Variants in DLC1 observed in about 807,000 individuals in gnomAD.
The protein encoded by DLC1 is rho GTPase-activating protein 7.
A neutral mutation model predicts 140.3 loss-of-function variants in DLC1; 54 were observed. That is an observed-to-expected ratio of 0.38 (90% CI 0.31 to 0.48). The LOEUF is 0.48. Ranked by LOEUF, DLC1 falls within the 20% of genes least tolerant of loss-of-function variation. The pLI is 0.96. For missense variants in DLC1, 2,536 were observed against 1,907.0 expected (o/e 1.33, Z -6.14); for synonymous variants, 986 against 728.1 (o/e 1.35, Z -5.70).
chr8:13,307,048 C>T (rs114471291), intron 4 of DLC1, among the ~76,000 whole-genome samples: 4,321 of 128,988 alleles, frequency 0.033, 107 homozygotes, highest in African/African-American at 0.076. Context: ...CACACCATTG[C>T]ACTCCATCCA....
intron 2 of DLC1, among the ~76,000 whole-genome samples, chr8:13,450,338 C>G (rs1429422096): frequency 1.3e-5 from 2 of 150,520 alleles, no homozygotes; most frequent in Non-Finnish European, 3.0e-5. Context: ...GACTGTAATC[C>G]TAGCTACTCA....
intron 4 of DLC1, among the ~76,000 whole-genome samples, chr8:13,334,950 T>C (rs552016697): frequency 2.0e-4 from 31 of 152,334 alleles, no homozygotes; most frequent in African/African-American, 7.0e-4. Context: ...TTGTGACTGT[T>C]AAGGCTGTAA....
intron 4 of DLC1, among the ~76,000 whole-genome samples, chr8:13,380,119 G>A (rs1337750649): frequency 1.3e-5 from 2 of 152,260 alleles, no homozygotes; most frequent in African/African-American, 2.4e-5. Flanking sequence ...GTTTGACTGG[G>A]ATGGAAGGAA....
At chr8:13,206,640 A>C (rs1255177767) in intron 5 of DLC1, among the ~76,000 whole-genome samples, 1 of 152,180 alleles carries the variant, frequency 6.6e-6, no homozygotes, top group Admixed American at 6.6e-5. Flanking sequence ...TTAATAAACG[A>C]GCTATTTTAG....
chr8:13,221,937 A>G (rs1306733249), intron 5 of DLC1, among the ~76,000 whole-genome samples: 2 of 145,270 alleles, frequency 1.4e-5, no homozygotes, highest in Non-Finnish European at 3.0e-5. Flanking sequence ...TATATATAAT[A>G]TATAAATTAT....
chr8:13,304,820 A>G (rs963822074), intron 5 of DLC1: 20 of 976,676 alleles, frequency 2.0e-5, no homozygotes, highest in Non-Finnish European at 2.4e-5. Flanking sequence ...TTTTTTCTTC[A>G]ATACAATTAT....
intron 5 of DLC1, among the ~76,000 whole-genome samples, chr8:13,206,418 C>A (rs1827666923): frequency 6.6e-6 from 1 of 152,038 alleles, no homozygotes; most frequent in Non-Finnish European, 1.5e-5. Context: ...TACGTCTCGG[C>A]TTATAGTATT....
At chr8:13,140,537 T>C (rs1053307164) in intron 5 of DLC1, among the ~76,000 whole-genome samples, 2 of 152,020 alleles carry the variant, frequency 1.3e-5, no homozygotes, top group African/African-American at 4.8e-5. Flanking sequence ...TGGCCAACTT[T>C]TTTTTTTTTC....
At chr8:13,155,741 G>A (rs1233238471) in intron 5 of DLC1, among the ~76,000 whole-genome samples, 1 of 152,052 alleles carries the variant, frequency 6.6e-6, no homozygotes, top group Non-Finnish European at 1.5e-5. Flanking sequence ...ACTTATTAAT[G>A]AAAATGCAAT....
At chr8:13,334,484 G>A (rs1310415032) in intron 4 of DLC1, among the ~76,000 whole-genome samples, 1 of 152,154 alleles carries the variant, frequency 6.6e-6, no homozygotes, top group African/African-American at 2.4e-5. Flanking sequence ...TGTGCACATG[G>A]GGTAGACTGC....
At chr8:13,382,505 C>CAAAAAAAAAAA (rs71207149) in intron 4 of DLC1, among the ~76,000 whole-genome samples, 1 of 35,520 alleles carries the variant, frequency 2.8e-5, no homozygotes, top group African/African-American at 1.3e-4. Context: ...GACTCCGTCT[C>CAAAAAAAAAAA]AAAAAAAAAA....
chr8:13,293,672 A>G (rs1831845475), intron 5 of DLC1, among the ~76,000 whole-genome samples: 1 of 152,220 alleles, frequency 6.6e-6, no homozygotes, highest in South Asian at 2.1e-4. Flanking sequence ...AAGAACAGAA[A>G]TACATCACAG....
chr8:13,453,560 T>A (rs1176028297), intron 2 of DLC1, among the ~76,000 whole-genome samples: 523 of 43,124 alleles, frequency 0.012, 23 homozygotes, highest in Middle Eastern at 0.026. Context: ...ATATATATTT[T>A]TTTTTTTTTT....
intron 5 of DLC1, among the ~76,000 whole-genome samples, chr8:13,195,750 T>C (rs1212959831): frequency 1.3e-5 from 2 of 152,138 alleles, no homozygotes; most frequent in Admixed American, 1.3e-4. Flanking sequence ...AACATGCCCA[T>C]CCCTGGAGGT....
intron 5 of DLC1, among the ~76,000 whole-genome samples, chr8:13,120,356 A>AAATAT: frequency 1.6e-5 from 1 of 61,108 alleles, no homozygotes; most frequent in African/African-American, 4.2e-5. Context: ...AAAAAAAAAA[A>AAATAT]ATATATATAT....
chr8:13,580,996 AG>A (rs1166570600), intron 1 of DLC1, among the ~76,000 whole-genome samples: 1 of 152,222 alleles, frequency 6.6e-6, no homozygotes, highest in East Asian at 1.9e-4. Context: ...CTTTCTTATC[AG>A]CTTTCCCCCA....
In DLC1 at chr8:13,490,401, C is replaced by G. The variant is rs114907263; in HGVS notation, c.1023+8648G>C. ...TAAAATAGCACTATAATTTTCTTTA[C>G]GGTTAGAAAATTATCTGTAGAATAG... On this transcript the variant is annotated intron_variant, in intron 2 of 17. Transcript: ENST00000276297. Among the ~76,000 whole-genome samples the G allele has an allele frequency of 5.3e-3, 808 of 152,080 alleles. 7 individuals are homozygous for G. Among genetic ancestry groups the G allele is most frequent in the African/African-American group, 0.018 (755 of 41,484 alleles).
intron 2 of DLC1, among the ~76,000 whole-genome samples, chr8:13,472,140 G>A (rs961676083): frequency 1.3e-5 from 2 of 152,122 alleles, no homozygotes; most frequent in Non-Finnish European, 2.9e-5. Flanking sequence ...CAAATAACAA[G>A]CGCCAACTTA....
At chr8:13,556,388 T>A (rs577294020) in intron 1 of DLC1, among the ~76,000 whole-genome samples, 12 of 152,262 alleles carry the variant, frequency 7.9e-5, no homozygotes, top group African/African-American at 2.9e-4. Context: ...GCGTCTGACT[T>A]CCAAAAATTC....
Sources: allele counts gnomAD v4.1 joint callset (sites outside exome capture counted in the v4.1 genomes callset), GRCh38; gene constraint gnomAD v4.1.1; transcripts MANE v1.5; gene names NCBI Gene and HGNC (gene_info 2026-07-23, HGNC 2026-07-21).